Variants in COL22A1 observed in about 807,000 individuals in gnomAD.
COL22A1 encodes the protein collagen alpha-1(XXII) chain.
Under a neutral mutation model 248.9 loss-of-function variants are expected in COL22A1, and 221 were observed. That is an observed-to-expected ratio of 0.89 (90% confidence interval 0.80 to 0.99). The LOEUF is 0.99. Ranked by LOEUF, COL22A1 falls within the 50% of genes least tolerant of loss-of-function variation. The pLI, the probability that COL22A1 is intolerant of heterozygous loss-of-function variation, is 0.00. For missense variants in COL22A1, 2,240 were observed against 2,179.0 expected (o/e 1.03, Z -0.56); for synonymous variants, 891 against 793.4 (o/e 1.12, Z -2.07).
At chr8:138,771,842 C>T (rs1834392859) in intron 16 of COL22A1, among the ~76,000 whole-genome samples, 1 of 152,202 alleles carries the variant, frequency 6.6e-6, no homozygotes, top group African/African-American at 2.4e-5. Context: ...ACCTGGCCCC[C>T]CGGGGCCTGC....
chr8:138,713,165 G>A (rs1028437169), intron 30 of COL22A1, among the ~76,000 whole-genome samples: 4 of 152,084 alleles, frequency 2.6e-5, no homozygotes, highest in Admixed American at 1.3e-4. Flanking sequence ...AGAGCCCTTC[G>A]ACTGACGAAC....
chr8:138,846,837 G>A (rs145145816), intron 3 of COL22A1, among the ~76,000 whole-genome samples: 21 of 152,290 alleles, frequency 1.4e-4, no homozygotes, highest in African/African-American at 4.1e-4. Flanking sequence ...CTACCTCTAG[G>A]GTCAGAGAAG....
intron 22 of COL22A1, among the ~76,000 whole-genome samples, chr8:138,746,953 G>C (rs552999520): frequency 6.6e-6 from 1 of 152,186 alleles, no homozygotes; most frequent in Non-Finnish European, 1.5e-5. Context: ...TGCAACCCGG[G>C]CCCTGCCACT....
At chr8:138,844,240 C>T (rs1227357564) in intron 3 of COL22A1, 82 bp from the exon 4 acceptor site, 6 of 1,284,932 alleles carry the variant, frequency 4.7e-6, no homozygotes, top group South Asian at 3.6e-5. Flanking sequence ...CACACAAGAC[C>T]CCACCCTGCC....
In COL22A1 at chr8:138,775,414, C is replaced by A. The variant is rs1010499792; in HGVS notation, c.1803+552G>T. Among the ~76,000 whole-genome samples, 13 of 152,322 alleles carry A rather than the reference C, an allele frequency of 8.5e-5. No homozygotes were observed. In the East Asian group the frequency reaches 1.7e-3, roughly 20 times the overall value. On this transcript the variant is annotated intron_variant, in intron 16 of 64. Transcript: ENST00000303045. ...TACCTGGCAGCAGTCATGAAGGAGC[C>A]TCCACCTAGGCCTCCTCAGACATGT...
At chr8:138,907,588 G>T (rs573228614) in intron 1 of COL22A1, among the ~76,000 whole-genome samples, 202 of 152,134 alleles carry the variant, frequency 1.3e-3, no homozygotes, top group Non-Finnish European at 2.4e-3. Flanking sequence ...TCATTAATCT[G>T]CTCACTTACC....
intron 6 of COL22A1, among the ~76,000 whole-genome samples, chr8:138,821,717 C>A (rs2131755297): frequency 6.6e-6 from 1 of 152,280 alleles, no homozygotes; most frequent in East Asian, 1.9e-4. Flanking sequence ...TCTGGAAGGG[C>A]TATGCGGGTA....
intron 4 of COL22A1, among the ~76,000 whole-genome samples, chr8:138,838,608 AAG>A: frequency 6.6e-6 from 1 of 151,856 alleles, no homozygotes; most frequent in South Asian, 2.1e-4. Flanking sequence ...AACAAAAACA[AAG>A]AGTTGAATAC....
At chr8:138,849,819 C>A (rs1821499527) in intron 3 of COL22A1, among the ~76,000 whole-genome samples, 3 of 151,846 alleles carry the variant, frequency 2.0e-5, no homozygotes, top group African/African-American at 7.3e-5. Flanking sequence ...CAGAACTGAG[C>A]CCAGGGAGTC....
intron 44 of COL22A1, among the ~76,000 whole-genome samples, chr8:138,657,040 T>C (rs1823328509): frequency 6.6e-6 from 1 of 152,068 alleles, no homozygotes. Flanking sequence ...AACGTGCTGG[T>C]GGGGTTTTGT....
chr8:138,633,065 A>G (rs1715090765), intron 49 of COL22A1, among the ~76,000 whole-genome samples: 1 of 152,218 alleles, frequency 6.6e-6, no homozygotes, highest in African/African-American at 2.4e-5. Context: ...CATATTTCCA[A>G]CAGGGCCTGA....
chr8:138,679,957 C>G (rs1825835752), intron 39 of COL22A1, among the ~76,000 whole-genome samples: 1 of 152,208 alleles, frequency 6.6e-6, no homozygotes, highest in South Asian at 2.1e-4. Context: ...CCAGCCCAGT[C>G]TGGAAGCGTG....
At chr8:138,863,087 T>C (rs1358998865) in intron 3 of COL22A1, among the ~76,000 whole-genome samples, 1 of 152,060 alleles carries the variant, frequency 6.6e-6, no homozygotes, top group Non-Finnish European at 1.5e-5. Flanking sequence ...GTCTCAGGAG[T>C]TAAGATGTTT....
intron 7 of COL22A1, among the ~76,000 whole-genome samples, chr8:138,816,580 G>A (rs1818705671): frequency 2.0e-5 from 3 of 152,174 alleles, no homozygotes; most frequent in South Asian, 2.1e-4. Flanking sequence ...CATTCAGCAC[G>A]GCCCAGTCTG....
intron 59 of COL22A1, among the ~76,000 whole-genome samples, chr8:138,603,387 A>G (rs1460987873): frequency 6.6e-6 from 1 of 152,230 alleles, no homozygotes; most frequent in African/African-American, 2.4e-5. Context: ...ATTTAACAAC[A>G]AAAGGCGGCA....
intron 42 of COL22A1, among the ~76,000 whole-genome samples, chr8:138,662,946 G>A (rs187156727): frequency 1.6e-3 from 244 of 150,306 alleles, no homozygotes; most frequent in Non-Finnish European, 2.2e-3. Flanking sequence ...AACCCAGGAG[G>A]CGGAGATTGC....
chr8:138,813,023 G>A lies in COL22A1; in HGVS notation c.1246-4C>T. On this transcript the variant is annotated splice_polypyrimidine_tract_variant and splice_region_variant and intron_variant, in intron 7 of 64. Coordinates refer to ENST00000303045, the MANE Select transcript of COL22A1 (RefSeq NM_152888.3). ...TCACAATCCGCTGTAGGTCAAACTGGAAAGGAAAGCAAGGAGAGAGGATAA... is the reference window on the plus strand; with the variant it reads ...TCACAATCCGCTGTAGGTCAAACTGAAAAGGAAAGCAAGGAGAGAGGATAA... 1 of 1,612,832 alleles carries A rather than the reference G, an allele frequency of 6.2e-7. No homozygotes were observed. Among genetic ancestry groups the A allele is most frequent in the Non-Finnish European group, 8.5e-7 (1 of 1,178,818 alleles).
chr8:138,699,077 C>T (rs951115741), intron 32 of COL22A1, among the ~76,000 whole-genome samples: 2 of 152,152 alleles, frequency 1.3e-5, no homozygotes, highest in East Asian at 1.9e-4. Context: ...GACAAGAGGG[C>T]TCCTTTAACA....
At chr8:138,725,463 G>A (rs1343584498) in intron 23 of COL22A1, 23 bp from the exon 24 acceptor site, 1 of 1,610,756 alleles carries the variant, frequency 6.2e-7, no homozygotes, top group East Asian at 2.2e-5. Flanking sequence ...AGCATTTGGT[G>A]GGCTACAGAT....
Sources: allele counts gnomAD v4.1 joint callset (sites outside exome capture counted in the v4.1 genomes callset), GRCh38; gene constraint gnomAD v4.1.1; transcripts MANE v1.5; gene names NCBI Gene and HGNC (gene_info 2026-07-23, HGNC 2026-07-21).